GALNT18: variants seen among roughly 807,000 people sequenced by gnomAD.
The protein encoded by GALNT18 is polypeptide N-acetylgalactosaminyltransferase 18.
GALNT18 carries 44 observed loss-of-function variants against 69.5 expected under a neutral mutation model. The ratio of observed to expected loss-of-function variants is 0.63; its 90% CI spans 0.50 to 0.81. The LOEUF is 0.81. GALNT18 is among the 40% of genes least tolerant of loss of function. The pLI is 0.00. For synonymous variants in GALNT18, 364 were observed against 318.2 expected (o/e 1.14, Z -1.53); for missense variants, 715 against 810.0 (o/e 0.88, Z 1.42).
chr11:11,462,299 T>C (rs1436913892), intron 1 of GALNT18, among the ~76,000 whole-genome samples: 2 of 149,252 alleles, frequency 1.3e-5, no homozygotes, highest in African/African-American at 2.5e-5. Flanking sequence ...TCCTTTGCGA[T>C]GGAGTCTTGC....
intron 6 of GALNT18, chr11:11,352,894 TC>T (rs755614817): frequency 6.2e-7 from 1 of 1,614,076 alleles, no homozygotes; most frequent in African/African-American, 1.3e-5. Flanking sequence ...TTAATTTTCT[TC>T]TTTTTTACTG....
At chr11:11,445,899 T>C (rs888729072) in intron 2 of GALNT18, among the ~76,000 whole-genome samples, 9 of 152,170 alleles carry the variant, frequency 5.9e-5, no homozygotes, top group African/African-American at 2.2e-4. Flanking sequence ...AAGAAAACTG[T>C]AGAATTCTGC....
intron 9 of GALNT18, among the ~76,000 whole-genome samples, chr11:11,316,975 T>C (rs1849767752): frequency 6.6e-6 from 1 of 152,094 alleles, no homozygotes; most frequent in South Asian, 2.1e-4. Context: ...AATGAATGAG[T>C]GATTGATTGA....
At chr11:11,509,415 G>A (rs61870339) in intron 1 of GALNT18, among the ~76,000 whole-genome samples, 1 of 152,134 alleles carries the variant, frequency 6.6e-6, no homozygotes, top group South Asian at 2.1e-4. Flanking sequence ...TTACATTCAG[G>A]AAAGAGGGGA....
rs1854145390 is a variant in GALNT18, at chr11:11,389,979, C to G, written c.596-10715G>C. Among the ~76,000 whole-genome samples the G allele has an allele frequency of 6.6e-6, 1 of 152,176 alleles. No individual in the cohort carries two copies. On this transcript the variant is annotated intron_variant, in intron 3 of 10. Coordinates refer to ENST00000227756, the MANE Select transcript of GALNT18 (RefSeq NM_198516.3). This position sits in a 1 kb window ranked among gnomAD's most constrained non-coding sequence, Gnocchi z 4.3. ...CTCAAAAATTTGATGATCCTAAAAT[C>G]TCATGACTGAGAGCCCAAGAGTTTA...
In GALNT18 at chr11:11,582,217, G is replaced by A. The variant is rs1276061885; in HGVS notation, c.235+39142C>T. Among the ~76,000 whole-genome samples the A allele has an allele frequency of 6.6e-6, 1 of 152,222 alleles. No homozygotes were observed. Among genetic ancestry groups the A allele is most frequent in the Non-Finnish European group, 1.5e-5 (1 of 68,044 alleles). On this transcript the variant is annotated intron_variant, in intron 1 of 10. Coordinates refer to ENST00000227756, the MANE Select transcript of GALNT18 (RefSeq NM_198516.3). This position sits in a 1 kb window ranked among gnomAD's most constrained non-coding sequence, Gnocchi z 5.0. ...AAGGCTCTGAAGCAGGAACAAAGCTGATGTGTTTGAGAACAGCACAAGCTG... is the reference window on the plus strand; with the variant it reads ...AAGGCTCTGAAGCAGGAACAAAGCTAATGTGTTTGAGAACAGCACAAGCTG...
chr11:11,577,925 GA>G (rs980669966), intron 1 of GALNT18, among the ~76,000 whole-genome samples: 3 of 152,222 alleles, frequency 2.0e-5, no homozygotes, highest in South Asian at 2.1e-4. Context: ...CATTTGGCAG[GA>G]AAAGGGCAAG....
At chr11:11,512,949 C>T (rs1034408968) in intron 1 of GALNT18, among the ~76,000 whole-genome samples, 2 of 152,152 alleles carry the variant, frequency 1.3e-5, no homozygotes, top group Non-Finnish European at 2.9e-5. Flanking sequence ...TGTGCGTGTG[C>T]ATCTGTGTAC....
At chr11:11,289,096 C>G (rs1213340156) in intron 10 of GALNT18, among the ~76,000 whole-genome samples, 1 of 152,128 alleles carries the variant, frequency 6.6e-6, no homozygotes. Context: ...AGAAAATTAG[C>G]CCAAGCACAA....
At chr11:11,289,799 G>A (rs1355733392) in intron 10 of GALNT18, among the ~76,000 whole-genome samples, 1 of 152,184 alleles carries the variant, frequency 6.6e-6, no homozygotes, top group Non-Finnish European at 1.5e-5. Flanking sequence ...TTCAGATTCA[G>A]CCAGTGAATC....
In GALNT18 at chr11:11,583,347, C is replaced by T. The variant is rs1043064422; in HGVS notation, c.235+38012G>A. Among the ~76,000 whole-genome samples the T allele has an allele frequency of 2.0e-5, 3 of 152,186 alleles. No individual in the cohort carries two copies. The highest frequency in any genetic ancestry group is 7.2e-5 in the African/African-American group (3 of 41,436). ...ATAATGGATGGTGACCTATCAGATGCCTTTGGGTCCTCCAGAGCAGCTGAC... is the reference window on the plus strand; with the variant it reads ...ATAATGGATGGTGACCTATCAGATGTCTTTGGGTCCTCCAGAGCAGCTGAC... On this transcript the variant is annotated intron_variant, in intron 1 of 10. Coordinates refer to ENST00000227756, the MANE Select transcript of GALNT18 (RefSeq NM_198516.3). This position sits in a 1 kb window ranked among gnomAD's most constrained non-coding sequence, Gnocchi z 4.7.
intron 1 of GALNT18, among the ~76,000 whole-genome samples, chr11:11,568,185 C>T (rs1045710784): frequency 1.3e-5 from 2 of 152,234 alleles, no homozygotes; most frequent in Admixed American, 6.5e-5. Flanking sequence ...CCACAGCCAA[C>T]GCACAGCCCA....
chr11:11,295,153 C>T lies in GALNT18; in HGVS notation c.1513-1960G>A, dbSNP rs181819144. Among the ~76,000 whole-genome samples, 29 of 152,254 alleles carry T rather than the reference C, an allele frequency of 1.9e-4. 1 individual carries two copies. The highest frequency in any genetic ancestry group is 2.9e-4 in the African/African-American group (12 of 41,542). Reference sequence around the variant, plus strand: ...GAGGGTGAGTAAGCGTGGTCCTTCACGGCAGATTCTTCCTGAAGCTCAGAA... The same window carrying T: ...GAGGGTGAGTAAGCGTGGTCCTTCATGGCAGATTCTTCCTGAAGCTCAGAA... On this transcript the variant is annotated intron_variant, in intron 9 of 10. Coordinates refer to ENST00000227756, the MANE Select transcript of GALNT18 (RefSeq NM_198516.3).
At chr11:11,560,915 G>C (rs1298168424) in intron 1 of GALNT18, among the ~76,000 whole-genome samples, 5 of 152,200 alleles carry the variant, frequency 3.3e-5, no homozygotes, top group Non-Finnish European at 5.9e-5. Context: ...GAGTGGCAAA[G>C]CCTACTGCTT....
intron 6 of GALNT18, among the ~76,000 whole-genome samples, chr11:11,344,444 A>G (rs7937451): frequency 0.11 from 16,462 of 152,140 alleles, 2,884 homozygotes; most frequent in African/African-American, 0.37. Context: ...TGCTTGTTTA[A>G]TCACCTCCTT....
rs1857933584 is a variant in GALNT18 at position 11,541,850 on chromosome 11, A to T, written c.235+79509T>A. Among the ~76,000 whole-genome samples, 1 of 152,232 alleles carries T rather than the reference A, an allele frequency of 6.6e-6. No individual in the cohort carries two copies. The highest frequency in any genetic ancestry group is 6.5e-5 in the Admixed American group (1 of 15,286). On this transcript the variant is annotated intron_variant, in intron 1 of 10. Transcript: ENST00000227756. The surrounding 1 kb of genome is among the most constrained non-coding windows in gnomAD (Gnocchi z 4.8). ...CAGAAGCCTCTCCCGAAGAGTGAGC[A>T]GGTTGCTTTCCCTCAGCCTGGCCAC...
intron 3 of GALNT18, among the ~76,000 whole-genome samples, chr11:11,425,667 G>A (rs970943977): frequency 4.6e-5 from 7 of 152,102 alleles, no homozygotes; most frequent in African/African-American, 1.7e-4. Context: ...GATGGGGCGA[G>A]GGAACAGCTG....
chr11:11,292,338 T>A (rs990071031), intron 10 of GALNT18, among the ~76,000 whole-genome samples: 2 of 152,060 alleles, frequency 1.3e-5, no homozygotes, highest in African/African-American at 4.8e-5. Flanking sequence ...AAGCTAGGCA[T>A]CTAGATCCTT....
intron 10 of GALNT18, among the ~76,000 whole-genome samples, chr11:11,277,825 T>G (rs1848982073): frequency 6.6e-6 from 1 of 152,240 alleles, no homozygotes; most frequent in Admixed American, 6.5e-5. Flanking sequence ...GGGAGTTTCT[T>G]AATCCTGAGT....
Sources: allele counts gnomAD v4.1 joint callset (sites outside exome capture counted in the v4.1 genomes callset), GRCh38; gene constraint gnomAD v4.1.1; non-coding constraint Gnocchi (gnomAD v3.1); transcripts MANE v1.5; gene names NCBI Gene and HGNC (gene_info 2026-07-23, HGNC 2026-07-21).